Variants in SOX5 observed in about 807,000 individuals in gnomAD.
SOX5 encodes SRY-box transcription factor 5, also known as transcription factor SOX-5.
A neutral mutation model predicts 92.0 loss-of-function variants in SOX5; 9 were observed. That is an observed-to-expected ratio of 0.10 (90% CI 0.06 to 0.17). SOX5 has a LOEUF of 0.17. Among genes scored for constraint, SOX5 ranks in the 10% least tolerant of loss-of-function variants. The probability of loss-of-function intolerance (pLI) is 1.00; values close to 1 mark genes in which losing one functional copy is unlikely to be tolerated. For missense variants in SOX5, 642 were observed against 944.5 expected, an observed-to-expected ratio of 0.68 and a Z score of 4.20; for synonymous variants, 344 against 336.3, an observed-to-expected ratio of 1.02 and a Z score of -0.25.
intron 4 of SOX5, among the ~76,000 whole-genome samples, chr12:23,753,621 G>A (rs1054189191): frequency 7.9e-5 from 12 of 151,616 alleles, no homozygotes; most frequent in African/African-American, 1.5e-4. Flanking sequence ...ACAAGTATAC[G>A]AGAGCATAAG....
At position 24,039,525 on chromosome 12, in the gene SOX5, C is replaced by T. The variant is rs115027133; in HGVS notation, c.-1-143501G>A. On this transcript the variant is annotated intron_variant, in intron 4 of 4. Coordinates refer to the SOX5 transcript ENST00000446891. ...AAAAAATAAAAATAAAACATTCTCA[C>T]CTATATATTAACAAATCCAACATGA... is the stretch of plus-strand genomic sequence containing the variant. Among the ~76,000 whole-genome samples the T allele has an allele frequency of 2.5e-3, 388 of 152,210 alleles. 2 individuals carry two copies. The highest frequency in any genetic ancestry group is 8.9e-3 in the African/African-American group (369 of 41,538).
At chr12:24,432,366 T>A (rs1408266209) in intron 1 of SOX5, among the ~76,000 whole-genome samples, 1 of 152,150 alleles carries the variant, frequency 6.6e-6, no homozygotes, top group Non-Finnish European at 1.5e-5. Flanking sequence ...ACAGTGACTG[T>A]CACGTGAAAA....
At chr12:23,654,946 C>A (rs1426957431) in intron 7 of SOX5, among the ~76,000 whole-genome samples, 1 of 151,884 alleles carries the variant, frequency 6.6e-6, no homozygotes, top group Non-Finnish European at 1.5e-5. Flanking sequence ...TTTGTCACAG[C>A]TAACTATTTT....
chr12:23,637,100 G>A (rs1566586960), intron 8 of SOX5, among the ~76,000 whole-genome samples: 1 of 152,066 alleles, frequency 6.6e-6, no homozygotes, highest in Non-Finnish European at 1.5e-5. Context: ...TTGCACCCAA[G>A]GAAAAGAAAA....
intron 2 of SOX5, among the ~76,000 whole-genome samples, chr12:23,875,293 A>T (rs559079127): frequency 2.7e-3 from 408 of 152,046 alleles, no homozygotes; most frequent in African/African-American, 9.3e-3. Context: ...TGCTAAAAAA[A>T]TTCAAAGATT....
chr12:24,401,356 GAA>G (rs1425838279), intron 1 of SOX5, among the ~76,000 whole-genome samples: 1 of 144,196 alleles, frequency 6.9e-6, no homozygotes. Context: ...CATCTCAGGG[GAA>G]AAAAAAAAAA....
chr12:23,854,009 C>G (rs923648791), intron 2 of SOX5, among the ~76,000 whole-genome samples: 11 of 152,062 alleles, frequency 7.2e-5, no homozygotes, highest in Non-Finnish European at 1.0e-4. Context: ...TCTCCTAAAT[C>G]TCTAGAACCT....
intron 4 of SOX5, among the ~76,000 whole-genome samples, chr12:24,140,119 A>T (rs1310727896): frequency 6.6e-6 from 1 of 152,192 alleles, no homozygotes; most frequent in African/African-American, 2.4e-5. Flanking sequence ...ATTTCACACT[A>T]CTTAAGTGTT....
rs1349111096 is a variant in SOX5, at chr12:23,570,956, T to C, written c.1342+4705A>G. On this transcript the variant is annotated intron_variant, in intron 10 of 14. Coordinates refer to ENST00000451604, the MANE Select transcript of SOX5 (RefSeq NM_006940.6). ...ATATATATATATATATATATATATA[T>C]ATATATATATATATATATATATATA... 1.8e-4 allele frequency among the ~76,000 whole-genome samples: 14 copies of C among 79,290 alleles called. 3 individuals are homozygous for C. The highest frequency in any genetic ancestry group is 3.4e-4 in the Non-Finnish European group (13 of 38,676). The allele number at this position is 79,290 out of a possible 152,430, so 52.0% of individuals were successfully genotyped here.
chr12:24,316,463 CG>C (rs1418425213), intron 2 of SOX5, among the ~76,000 whole-genome samples: 2 of 152,134 alleles, frequency 1.3e-5, no homozygotes, highest in African/African-American at 4.8e-5. Context: ...CAAAGATTGC[CG>C]ATTTCCCATG....
intron 3 of SOX5, among the ~76,000 whole-genome samples, chr12:24,264,674 G>A (rs1353924354): frequency 6.6e-6 from 1 of 152,108 alleles, no homozygotes; most frequent in Admixed American, 6.5e-5. Flanking sequence ...GGGAAAAGGT[G>A]GAAATGCAGA....
At chr12:24,194,100 CT>C (rs1270292545) in intron 4 of SOX5, among the ~76,000 whole-genome samples, 1 of 152,126 alleles carries the variant, frequency 6.6e-6, no homozygotes, top group African/African-American at 2.4e-5. Context: ...TAAAACAGTT[CT>C]AATTGACAAT....
At chr12:23,705,924 T>C (rs1255891161) in intron 6 of SOX5, among the ~76,000 whole-genome samples, 1 of 151,928 alleles carries the variant, frequency 6.6e-6, no homozygotes, top group African/African-American at 2.4e-5. Flanking sequence ...TGCACACAAA[T>C]GTATTGAGAG....
In SOX5 at chr12:23,970,840, A is replaced by ATTTTTT; in HGVS notation, c.-1-74817_-1-74816insAAAAAA. Among the ~76,000 whole-genome samples, 91 of 33,472 alleles carry ATTTTTT rather than the reference A, an allele frequency of 2.7e-3. 22 individuals carry two copies. The highest frequency in any genetic ancestry group is 5.3e-3 in the Non-Finnish European group (88 of 16,600). 22.0% of individuals were successfully genotyped at this position (33,472 alleles called of 152,430 possible). On this transcript the variant is annotated intron_variant, in intron 4 of 4. Transcript: ENST00000446891. ...CACATGGGACTTTATATATATATATAATTTTTTTTTTTTTTTAAGAAATGG... is the reference window on the plus strand; with the variant it reads ...CACATGGGACTTTATATATATATATATTTTTTATTTTTTTTTTTTTTTAAGAAATGG...
chr12:23,560,932 T>A (rs1377840971), intron 11 of SOX5, among the ~76,000 whole-genome samples: 1 of 152,216 alleles, frequency 6.6e-6, no homozygotes, highest in Non-Finnish European at 1.5e-5. Flanking sequence ...ATCCGTTGAT[T>A]GAGGTTTCCT....
At chr12:23,653,748 G>T (rs1313675302) in intron 7 of SOX5, among the ~76,000 whole-genome samples, 2 of 152,066 alleles carry the variant, frequency 1.3e-5, no homozygotes, top group Admixed American at 1.3e-4. Flanking sequence ...TTGCCCTCAT[G>T]ACCTAATCAC....
chr12:24,349,139 G>A (rs576753049), intron 2 of SOX5, among the ~76,000 whole-genome samples: 10 of 152,194 alleles, frequency 6.6e-5, no homozygotes, highest in African/African-American at 2.4e-4. Context: ...GAGATATTTC[G>A]CTCCTTGGCT....
At chr12:24,457,575 A>G (rs984386722) in intron 1 of SOX5, among the ~76,000 whole-genome samples, 1 of 152,174 alleles carries the variant, frequency 6.6e-6, no homozygotes, top group Non-Finnish European at 1.5e-5. Context: ...CTTTGGGGAA[A>G]TTCTAGTATT....
At chr12:23,631,772 A>T (rs1170337692) in intron 8 of SOX5, among the ~76,000 whole-genome samples, 2 of 152,140 alleles carry the variant, frequency 1.3e-5, no homozygotes, top group Admixed American at 6.6e-5. Flanking sequence ...GGAAAAACAC[A>T]CGTGTACTGA....
Sources: allele counts gnomAD v4.1 joint callset (sites outside exome capture counted in the v4.1 genomes callset), GRCh38; gene constraint gnomAD v4.1.1; transcripts MANE v1.5; gene names NCBI Gene and HGNC (gene_info 2026-07-23, HGNC 2026-07-21).